CFAP299: variants seen among roughly 807,000 people sequenced by gnomAD.
CFAP299 encodes cilia- and flagella-associated protein 299.
Under a neutral mutation model 27.0 loss-of-function variants are expected in CFAP299, and 21 were observed. The ratio of observed to expected loss-of-function variants is 0.78; its 90% CI spans 0.55 to 1.12. The LOEUF is 1.12. CFAP299 is among the 50% of genes most tolerant of loss of function. The probability of loss-of-function intolerance (pLI) is 0.00; values close to 1 mark genes in which losing one functional copy is unlikely to be tolerated. For missense variants in CFAP299, 310 were observed against 276.6 expected, an observed-to-expected ratio of 1.12 and a Z score of -0.86; for synonymous variants, 104 against 98.1, an observed-to-expected ratio of 1.06 and a Z score of -0.36.
At chr4:80,563,418 A>G (rs1382746619) in intron 2 of CFAP299, among the ~76,000 whole-genome samples, 1 of 152,266 alleles carries the variant, frequency 6.6e-6, no homozygotes. Context: ...ACAAATACAT[A>G]CAAATTAAAT....
intron 4 of CFAP299, among the ~76,000 whole-genome samples, chr4:80,924,247 G>C (rs1386397223): frequency 6.6e-6 from 1 of 151,804 alleles, no homozygotes; most frequent in Non-Finnish European, 1.5e-5. Context: ...CCCCTTTACT[G>C]TTTTCTATTC....
chr4:80,481,546 C>T (rs770234521), intron 2 of CFAP299, among the ~76,000 whole-genome samples: 10 of 151,776 alleles, frequency 6.6e-5, no homozygotes, highest in African/African-American at 1.5e-4. Flanking sequence ...TTTTTTCTTG[C>T]GAGAATTTGG....
chr4:80,602,203 T>G (rs752860298), intron 3 of CFAP299, among the ~76,000 whole-genome samples: 2 of 151,150 alleles, frequency 1.3e-5, no homozygotes, highest in South Asian at 4.2e-4. Flanking sequence ...CATCCACCCC[T>G]GAACTTAAAA....
chr4:80,372,224 C>A (rs867076482), intron 2 of CFAP299, among the ~76,000 whole-genome samples: 2 of 152,142 alleles, frequency 1.3e-5, no homozygotes, highest in Admixed American at 1.3e-4. Context: ...TTTTAAGCAA[C>A]CAGATCTCAC....
chr4:80,815,457 TG>T (rs1286051506), intron 3 of CFAP299, among the ~76,000 whole-genome samples: 1 of 152,010 alleles, frequency 6.6e-6, no homozygotes, highest in Non-Finnish European at 1.5e-5. Context: ...ACCATCAATA[TG>T]AAATAAATTT....
At chr4:80,411,464 A>T (rs1365948621) in intron 2 of CFAP299, among the ~76,000 whole-genome samples, 1 of 152,068 alleles carries the variant, frequency 6.6e-6, no homozygotes, top group Non-Finnish European at 1.5e-5. Flanking sequence ...GATGAAAGGA[A>T]TGTAAACAAT....
chr4:80,322,236 G>C, the CFAP299 span, among the ~76,000 whole-genome samples: 1 of 152,186 alleles, frequency 6.6e-6, no homozygotes, highest in Non-Finnish European at 1.5e-5. Context: ...AGGAACATCT[G>C]CAGCCGAGCT....
intron 5 of CFAP299, among the ~76,000 whole-genome samples, chr4:80,953,665 T>G (rs1392674234): frequency 1.3e-5 from 2 of 152,200 alleles, no homozygotes; most frequent in African/African-American, 4.8e-5. Context: ...ACATTGTTCA[T>G]AAGTGTCCAG....
At chr4:80,380,509 C>T (rs1238266901) in intron 2 of CFAP299, among the ~76,000 whole-genome samples, 2 of 140,054 alleles carry the variant, frequency 1.4e-5, no homozygotes, top group African/African-American at 2.6e-5. Context: ...CTCACTGCAA[C>T]TTCCACCTCC....
intron 1 of CFAP299, among the ~76,000 whole-genome samples, chr4:80,358,982 C>T (rs1473070631): frequency 2.0e-5 from 3 of 152,100 alleles, no homozygotes; most frequent in Admixed American, 6.6e-5. Context: ...ATATTTATTG[C>T]TTCCTTTAGG....
Position 80,871,762 on chromosome 4 carries a change from A to T in CFAP299, c.476+1627A>T, listed in dbSNP as rs1733109909. 1.0e-5 allele frequency: 5 copies of T among 479,616 alleles called. No individual in the cohort carries two copies. In the South Asian group the frequency reaches 3.6e-4, roughly 34 times the overall value. 29.7% of individuals were successfully genotyped at this position (479,616 alleles called of 1,614,324 possible). A position where few individuals can be genotyped will look rare whatever the true frequency, so the allele number is the denominator to read the frequency against. ...TCAGCATGGATCTTTATCTGATACC[A>T]TTTTTAAAGAAAACATCTTGGCATT... On this transcript the variant is annotated intron_variant, in intron 4 of 5. Transcript: ENST00000358105.
chr4:80,335,911 C>T (rs1485093815), intron 1 of CFAP299, 32 bp downstream of exon 1: 7 of 1,359,498 alleles, frequency 5.1e-6, no homozygotes, highest in Non-Finnish European at 7.4e-6. Context: ...GTAGCCGCCG[C>T]CGCGCGTCCC....
At chr4:80,497,153 C>G in intron 2 of CFAP299, among the ~76,000 whole-genome samples, 1 of 152,082 alleles carries the variant, frequency 6.6e-6, no homozygotes. Flanking sequence ...ACCTGTAATC[C>G]TAACTACTGG....
intron 3 of CFAP299, among the ~76,000 whole-genome samples, chr4:80,670,312 A>G (rs994066676): frequency 1.3e-5 from 2 of 152,192 alleles, no homozygotes; most frequent in Admixed American, 6.5e-5. Context: ...TGCAAAGGAC[A>G]TGAACTCATC....
intron 3 of CFAP299, among the ~76,000 whole-genome samples, chr4:80,863,019 T>A (rs1732478021): frequency 6.6e-6 from 1 of 152,102 alleles, no homozygotes; most frequent in African/African-American, 2.4e-5. Flanking sequence ...AAATTAATGA[T>A]TCATTAGCGC....
intron 4 of CFAP299, among the ~76,000 whole-genome samples, chr4:80,939,525 A>C (rs1737086545): frequency 6.6e-6 from 1 of 151,020 alleles, no homozygotes; most frequent in African/African-American, 2.4e-5. Context: ...TTCTTTGTTG[A>C]ATTTCTCACT....
At chr4:80,512,666 C>T (rs1482053101) in intron 2 of CFAP299, among the ~76,000 whole-genome samples, 1 of 151,962 alleles carries the variant, frequency 6.6e-6, no homozygotes, top group Admixed American at 6.6e-5. Flanking sequence ...GCTGTGGGGA[C>T]TTATCTTGCT....
chr4:80,394,884 C>A (rs550357377), intron 2 of CFAP299, among the ~76,000 whole-genome samples: 2 of 152,134 alleles, frequency 1.3e-5, no homozygotes, highest in Admixed American at 6.6e-5. Context: ...GCTCTTTTTG[C>A]TCAAGATTTC....
intron 4 of CFAP299, chr4:80,872,845 T>G (rs1733172765): frequency 2.0e-5 from 18 of 915,762 alleles, no homozygotes; most frequent in Non-Finnish European, 2.3e-5. Context: ...TCGTTTTATT[T>G]ATTTTTGGAT....
Sources: allele counts gnomAD v4.1 joint callset (sites outside exome capture counted in the v4.1 genomes callset), GRCh38; gene constraint gnomAD v4.1.1; transcripts MANE v1.5; gene names NCBI Gene and HGNC (gene_info 2026-07-23, HGNC 2026-07-21).